TRIP12: variants seen among roughly 807,000 people sequenced by gnomAD.
TRIP12 encodes thyroid hormone receptor interactor 12, also known as E3 ubiquitin-protein ligase TRIP12.
Under a neutral mutation model 244.2 loss-of-function variants are expected in TRIP12, and 25 were observed. That is an observed-to-expected ratio of 0.10 (90% CI 0.07 to 0.14). The LOEUF is 0.14. TRIP12 is among the 10% of genes least tolerant of loss of function. The pLI, the probability that TRIP12 is intolerant of heterozygous loss-of-function variation, is 1.00. For synonymous variants in TRIP12, 905 were observed against 873.1 expected, an observed-to-expected ratio of 1.04 and a Z score of -0.64; for missense variants, 1,677 against 2,486.4, an observed-to-expected ratio of 0.67 and a Z score of 6.92.
intron 1 of TRIP12, chr2:229,894,232 CTAA>C (rs1340698675): frequency 6.6e-6 from 1 of 152,110 alleles, no homozygotes; most frequent in Non-Finnish European, 1.5e-5. Flanking sequence ...TCCCTAATAA[CTAA>C]TGATGCTGAT....
intron 1 of TRIP12, among the ~76,000 whole-genome samples, chr2:229,886,323 T>A (rs939691695): frequency 2.6e-5 from 4 of 152,146 alleles, no homozygotes; most frequent in Non-Finnish European, 4.4e-5. Flanking sequence ...TCAGAAAAGT[T>A]CTATAGAGAA....
Position 229,793,082 on chromosome 2 carries a change from C to G in TRIP12, c.4032G>C (p.Gln1344His), listed in dbSNP as rs745404222. 1.9e-6 allele frequency: 3 copies of G among 1,613,816 alleles called. No homozygotes were observed. Among genetic ancestry groups the G allele is most frequent in the South Asian group, 2.2e-5 (2 of 91,058 alleles). The stretch of plus-strand genomic sequence containing the variant: ...TTGCACAGTCTGGATGCCTTTGTAA[C>G]TGGCATTTTAATTGATGTGTGTTGA... Reference protein sequence around the residue: ...KFFNTHQLKCQLQRHPDCANV... With the variant: ...KFFNTHQLKCHLQRHPDCANV... Residue 1344 changes from glutamine to histidine, a missense_variant, in exon 27 of 42, where the codon CAG becomes CAC. Gln to His is a conservative substitution (Grantham distance 24). This residue lies in a region of TRIP12 where 265 missense variants were observed against 370.8 expected (regional missense o/e 0.71). Transcript: ENST00000675903.
chr2:229,828,219 T>C (rs775015587), intron 8 of TRIP12, among the ~76,000 whole-genome samples: 18 of 152,142 alleles, frequency 1.2e-4, no homozygotes, highest in Non-Finnish European at 2.1e-4. Flanking sequence ...AGGTGTGGCA[T>C]TGTTTTTGAC....
intron 34 of TRIP12, among the ~76,000 whole-genome samples, chr2:229,780,983 C>T (rs1353745600): frequency 6.6e-6 from 1 of 152,212 alleles, no homozygotes; most frequent in Non-Finnish European, 1.5e-5. Flanking sequence ...CTCCTTTTGG[C>T]ATAACATTAT....
chr2:229,861,948 G>C (rs1454012363), intron 2 of TRIP12, among the ~76,000 whole-genome samples: 1 of 152,104 alleles, frequency 6.6e-6, no homozygotes, highest in African/African-American at 2.4e-5. Flanking sequence ...TTCACTTTTA[G>C]TAATGAAAGG....
intron 5 of TRIP12, among the ~76,000 whole-genome samples, chr2:229,837,228 A>AAC (rs1408640688): frequency 6.6e-6 from 1 of 152,202 alleles, no homozygotes; most frequent in East Asian, 1.9e-4. Context: ...CATCCTCAGA[A>AAC]ACAGAAACGA....
chr2:229,877,963 C>A (rs2063941265), intron 2 of TRIP12, among the ~76,000 whole-genome samples: 1 of 152,090 alleles, frequency 6.6e-6, no homozygotes, highest in Non-Finnish European at 1.5e-5. Context: ...AAAGAATAAC[C>A]TGAATGTAAA....
intron 27 of TRIP12, 72 bp from the exon 28 acceptor site, chr2:229,792,298 C>T (rs2041738425): frequency 1.5e-6 from 2 of 1,357,776 alleles, no homozygotes; most frequent in East Asian, 4.6e-5. Flanking sequence ...TGTATACACA[C>T]TGGTTAAACA....
At chr2:229,922,412 G>A (rs1423627918), upstream of TRIP12, 2 of 1,096,714 alleles carry the variant, frequency 1.8e-6, no homozygotes, top group African/African-American at 1.5e-5. Flanking sequence ...CCTTCTGCCA[G>A]CTCATAAGCG....
chr2:229,775,267 C>T (rs1009457111), intron 37 of TRIP12, among the ~76,000 whole-genome samples: 2 of 151,856 alleles, frequency 1.3e-5, no homozygotes, highest in Non-Finnish European at 2.9e-5. Context: ...GAATTATGTC[C>T]ATTTTTACTT....
chr2:229,807,647 C>T (rs2046201243), intron 17 of TRIP12, 61 bp downstream of exon 17: 1 of 1,592,900 alleles, frequency 6.3e-7, no homozygotes, highest in Non-Finnish European at 8.6e-7. Flanking sequence ...CTCCCCATTC[C>T]ATCCCTACAC....
intron 1 of TRIP12, among the ~76,000 whole-genome samples, chr2:229,889,028 CA>C (rs1275226359): frequency 2.0e-5 from 3 of 152,132 alleles, no homozygotes; most frequent in African/African-American, 7.2e-5. Context: ...AAATTTTGAG[CA>C]TATGTATTTA....
upstream of TRIP12, chr2:229,922,582 T>G (rs1419898008): frequency 6.2e-7 from 1 of 1,614,076 alleles, no homozygotes. Context: ...GCAAAGACTA[T>G]TACCAGTTAC....
intron 4 of TRIP12, among the ~76,000 whole-genome samples, chr2:229,844,975 G>A (rs186609039): frequency 6.6e-6 from 1 of 152,218 alleles, no homozygotes; most frequent in Admixed American, 6.5e-5. Flanking sequence ...TTACACAAGA[G>A]GGTCAAACAC....
intron 1 of TRIP12, among the ~76,000 whole-genome samples, chr2:229,900,055 AAC>A (rs2070199013): frequency 6.6e-6 from 1 of 152,218 alleles, no homozygotes; most frequent in Admixed American, 6.5e-5. Context: ...GTTTATTCAA[AAC>A]ACAGTTGCAC....
chr2:229,836,466 G>A (rs1361757900), intron 6 of TRIP12, among the ~76,000 whole-genome samples: 1 of 152,120 alleles, frequency 6.6e-6, no homozygotes, highest in Non-Finnish European at 1.5e-5. Flanking sequence ...GGTTCAAACT[G>A]AATACTTGTA....
At chr2:229,852,633 AC>A (rs1171923352) in intron 4 of TRIP12, among the ~76,000 whole-genome samples, 5 of 152,130 alleles carry the variant, frequency 3.3e-5, no homozygotes, top group Middle Eastern at 3.2e-3. Context: ...TACTCAGGAG[AC>A]TTTTACCAAG....
chr2:229,891,258 CA>C (rs771421522), intron 1 of TRIP12, among the ~76,000 whole-genome samples: 366 of 144,184 alleles, frequency 2.5e-3, no homozygotes, highest in Non-Finnish European at 3.2e-3. Context: ...CCCTCTCTAC[CA>C]AAAAAAAAAA....
rs1216964593 is a variant in TRIP12 at position 229,807,775 on chromosome 2, A to G, written c.2429T>C (p.Ile810Thr). The change falls in exon 17 of 42, where the codon ATA becomes ACA. Residue 810 changes from isoleucine (I) to threonine (T), a missense_variant. By Grantham distance (89) the Ile-to-Thr change is moderately conservative. Around this residue, in one of 11 missense-constraint regions of TRIP12, gnomAD observed 572 missense variants for 867.8 expected, o/e 0.66. Transcript: ENST00000675903. ...KGNAQNTDGA[I>T]WQWRDDRGLW... ...GCCCCGATCATCACGCCACTGCCATATCGCACCATCTGTGTTCTGTGCATT... is the reference window on the plus strand; with the variant it reads ...GCCCCGATCATCACGCCACTGCCATGTCGCACCATCTGTGTTCTGTGCATT... The G allele has an allele frequency of 6.2e-7, 1 of 1,614,206 alleles. No homozygotes were observed.
Sources: gnomAD v4.1 joint callset for allele counts (sites outside exome capture counted in the v4.1 genomes callset) on GRCh38, gnomAD v4.1.1 for gene constraint, gnomAD v4.1.1 regional missense constraint, MANE v1.5 for transcripts, NCBI Gene and HGNC (gene_info 2026-07-23, HGNC 2026-07-21) for gene names.